NAALADL2: variants seen among roughly 807,000 people sequenced by gnomAD.
NAALADL2 encodes N-acetylated alpha-linked acidic dipeptidase like 2, also known as inactive N-acetylated-alpha-linked acidic dipeptidase-like protein 2.
Under a neutral mutation model 87.2 loss-of-function variants are expected in NAALADL2, and 76 were observed. The observed-to-expected ratio is 0.87, with a 90% CI of 0.72 to 1.05. The LOEUF (loss-of-function observed/expected upper bound fraction) is 1.05, where lower values mean the gene tolerates loss of function less well. Ranked by LOEUF, NAALADL2 falls within the 50% of genes least tolerant of loss-of-function variation. NAALADL2 has a pLI of 0.00. For missense variants in NAALADL2, 1,089 were observed against 945.8 expected (o/e 1.15, Z -1.99); for synonymous variants, 354 against 331.0 (o/e 1.07, Z -0.75).
intron 1 of NAALADL2, among the ~76,000 whole-genome samples, chr3:174,506,721 T>C (rs1168200117): frequency 6.6e-6 from 1 of 152,224 alleles, no homozygotes; most frequent in Non-Finnish European, 1.5e-5. Flanking sequence ...TATTTGAAAG[T>C]GCACCTTTAT....
intron 5 of NAALADL2, among the ~76,000 whole-genome samples, chr3:175,339,576 A>G (rs1762373938): frequency 6.6e-6 from 1 of 152,202 alleles, no homozygotes; most frequent in Admixed American, 6.5e-5. Flanking sequence ...AGGACATACT[A>G]GTCCTGAGCA....
intron 6 of NAALADL2, among the ~76,000 whole-genome samples, chr3:175,457,448 TA>T (rs1022726165): frequency 6.6e-6 from 1 of 152,142 alleles, no homozygotes; most frequent in African/African-American, 2.4e-5. Context: ...CTGCTACCTT[TA>T]GCCACTAGTA....
At chr3:175,261,730 G>A (rs1394408711) in intron 4 of NAALADL2, among the ~76,000 whole-genome samples, 3 of 151,872 alleles carry the variant, frequency 2.0e-5, no homozygotes, top group Non-Finnish European at 4.4e-5. Context: ...TGATTTTGTA[G>A]TTTCCTACAA....
chr3:175,412,992 C>T (rs1713861545), intron 5 of NAALADL2, among the ~76,000 whole-genome samples: 1 of 149,118 alleles, frequency 6.7e-6, no homozygotes, highest in Admixed American at 6.7e-5. Flanking sequence ...AATCTGGGCT[C>T]ACCTCAAGCT....
chr3:174,574,578 A>C (rs1715318636), intron 2 of NAALADL2, among the ~76,000 whole-genome samples: 1 of 151,742 alleles, frequency 6.6e-6, no homozygotes, highest in South Asian at 2.1e-4. Context: ...AGTGAACTAT[A>C]CTTTATAGTT....
At chr3:174,474,833 T>C (rs1717115348) in intron 1 of NAALADL2, among the ~76,000 whole-genome samples, 1 of 152,146 alleles carries the variant, frequency 6.6e-6, no homozygotes, top group Non-Finnish European at 1.5e-5. Context: ...TTGAGAATTT[T>C]GTTATTAGAA....
chr3:175,337,521 G>T (rs1031975714), intron 5 of NAALADL2, among the ~76,000 whole-genome samples: 1 of 152,058 alleles, frequency 6.6e-6, no homozygotes, highest in East Asian at 1.9e-4. Context: ...AGACTTGGGG[G>T]GGCCATGTGA....
chr3:175,796,126 G>A (rs1351880634), intron 13 of NAALADL2, among the ~76,000 whole-genome samples: 4 of 141,164 alleles, frequency 2.8e-5, no homozygotes, highest in Admixed American at 2.2e-4. Context: ...TGGGTGGGGG[G>A]TTGGGAGAGA....
intron 2 of NAALADL2, among the ~76,000 whole-genome samples, chr3:174,710,733 A>G (rs1205752609): frequency 6.6e-6 from 1 of 152,148 alleles, no homozygotes; most frequent in Non-Finnish European, 1.5e-5. Flanking sequence ...CCAGCAAGGA[A>G]ATAGGGACCT....
intron 2 of NAALADL2, among the ~76,000 whole-genome samples, chr3:174,728,018 A>T (rs1391946917): frequency 6.6e-6 from 1 of 152,090 alleles, no homozygotes; most frequent in Non-Finnish European, 1.5e-5. Flanking sequence ...ATATGTACTT[A>T]AGGCTCATTC....
intron 6 of NAALADL2, among the ~76,000 whole-genome samples, chr3:175,453,612 G>A (rs1721896635): frequency 6.6e-6 from 1 of 152,126 alleles, no homozygotes; most frequent in Non-Finnish European, 1.5e-5. Flanking sequence ...AATATCATAA[G>A]CAGAGCATAA....
intron 3 of NAALADL2, among the ~76,000 whole-genome samples, chr3:174,848,577 CTG>C (rs1403593046): frequency 1.3e-5 from 2 of 152,146 alleles, no homozygotes; most frequent in Non-Finnish European, 2.9e-5. Flanking sequence ...GACTCACTGA[CTG>C]TGAGCCTTTC....
chr3:175,760,695 G>C (rs976263512), intron 13 of NAALADL2, among the ~76,000 whole-genome samples: 1 of 152,172 alleles, frequency 6.6e-6, no homozygotes, highest in Non-Finnish European at 1.5e-5. Flanking sequence ...AGTAGGCAGT[G>C]CTCTACCACT....
At chr3:174,458,107 A>G (rs1435431224) in intron 1 of NAALADL2, among the ~76,000 whole-genome samples, 1 of 152,196 alleles carries the variant, frequency 6.6e-6, no homozygotes, top group Admixed American at 6.5e-5. Context: ...TTACCTATAT[A>G]ACAAACCTGC....
intron 10 of NAALADL2, among the ~76,000 whole-genome samples, chr3:175,582,149 G>A (rs1173129306): frequency 6.6e-6 from 1 of 151,790 alleles, no homozygotes; most frequent in South Asian, 2.1e-4. Flanking sequence ...AAGGAAGCCT[G>A]TTAAAATTAC....
intron 1 of NAALADL2, among the ~76,000 whole-genome samples, chr3:174,890,052 G>A (rs545727765): frequency 8.5e-5 from 13 of 152,260 alleles, no homozygotes; most frequent in African/African-American, 1.7e-4. Context: ...TTGTAGGGGA[G>A]CTAGAGACCA....
rs540347765 is a variant in NAALADL2 at position 174,764,853 on chromosome 3, G to T, written c.-9+27107G>T. On this transcript the variant is annotated intron_variant, in intron 3 of 3. Coordinates refer to the NAALADL2 transcript ENST00000434257. ...AATCATTAAACAGAAGTAGAAGAGA[G>T]GTGGACTTTTTATAGTATAAGTCCA... 1.2e-4 allele frequency among the ~76,000 whole-genome samples: 19 copies of T among 152,048 alleles called. 1 individual carries two copies. In the South Asian group the frequency reaches 3.9e-3, roughly 32 times the overall value.
intron 2 of NAALADL2, among the ~76,000 whole-genome samples, chr3:174,676,429 TAA>T (rs1156873490): frequency 1.3e-5 from 2 of 151,984 alleles, no homozygotes; most frequent in Non-Finnish European, 2.9e-5. Flanking sequence ...TTAGGTCATA[TAA>T]AATCAAGTGT....
At chr3:175,400,195 T>G (rs1770389350) in intron 5 of NAALADL2, among the ~76,000 whole-genome samples, 1 of 152,138 alleles carries the variant, frequency 6.6e-6, no homozygotes, top group Non-Finnish European at 1.5e-5. Context: ...ATTCCCACAA[T>G]ATTCTTGGGC....
Sources: gnomAD v4.1 joint callset for allele counts (sites outside exome capture counted in the v4.1 genomes callset) on GRCh38, gnomAD v4.1.1 for gene constraint, MANE v1.5 for transcripts, NCBI Gene and HGNC (gene_info 2026-07-23, HGNC 2026-07-21) for gene names.